TAFA1: variants seen among roughly 807,000 people sequenced by gnomAD.
TAFA1 encodes chemokine-like protein TAFA-1.
Under a neutral mutation model 18.5 loss-of-function variants are expected in TAFA1, and 4 were observed. The ratio of observed to expected loss-of-function variants is 0.22; its 90% CI spans 0.11 to 0.49. TAFA1 has a LOEUF of 0.49. Ranked by LOEUF, TAFA1 falls within the 20% of genes least tolerant of loss-of-function variation. TAFA1 has a pLI of 0.98. For missense variants in TAFA1, 147 were observed against 169.0 expected (o/e 0.87, Z 0.72); for synonymous variants, 56 against 55.2 (o/e 1.01, Z -0.06).
intron 2 of TAFA1, among the ~76,000 whole-genome samples, chr3:68,400,084 A>G (rs972212650): frequency 2.6e-5 from 4 of 152,106 alleles, no homozygotes; most frequent in African/African-American, 9.7e-5. Flanking sequence ...CTATCCTTAA[A>G]CCATTCACTG....
At position 68,331,765 on chromosome 3, in the gene TAFA1, A is replaced by G. The variant is rs1202756511; in HGVS notation, c.119-85515A>G. On this transcript the variant is annotated intron_variant, in intron 2 of 4. Transcript: ENST00000478136. ...CACAGACCAATGGAACAGAACAGAAAGGACAGAAGTAAACCCATTCATATA... is the reference window on the plus strand; with the variant it reads ...CACAGACCAATGGAACAGAACAGAAGGGACAGAAGTAAACCCATTCATATA... Among the ~76,000 whole-genome samples the G allele has an allele frequency of 2.6e-5, 4 of 152,156 alleles. No homozygotes were observed. In the South Asian group the frequency reaches 8.3e-4, roughly 32 times the overall value.
intron 2 of TAFA1, among the ~76,000 whole-genome samples, chr3:68,077,984 A>C (rs369286318): frequency 1.1e-4 from 16 of 151,924 alleles, no homozygotes; most frequent in Admixed American, 2.6e-4. Context: ...CTTTTATTTC[A>C]TTGAGCAGTG....
chr3:68,160,286 T>C (rs2065910092), intron 2 of TAFA1, among the ~76,000 whole-genome samples: 1 of 152,338 alleles, frequency 6.6e-6, no homozygotes, highest in Admixed American at 6.5e-5. Flanking sequence ...ATATTCTTTG[T>C]TCTGTTGCAG....
chr3:68,243,369 C>T (rs1045538966), intron 2 of TAFA1, among the ~76,000 whole-genome samples: 10 of 142,118 alleles, frequency 7.0e-5, no homozygotes, highest in African/African-American at 2.6e-4. Context: ...TCTATGCTCA[C>T]ATGGGTACCT....
intron 2 of TAFA1, among the ~76,000 whole-genome samples, chr3:68,331,856 CTTTTTTTTTTT>C (rs60291932): frequency 1.3e-5 from 1 of 76,198 alleles, no homozygotes; most frequent in African/African-American, 5.4e-5. Context: ...CTTTTCTTTT[CTTTTTTTTTTT>C]TTTTTTTTTT....
chr3:68,297,135 T>G (rs9310021), intron 2 of TAFA1, among the ~76,000 whole-genome samples: 3,739 of 152,188 alleles, frequency 0.025, 141 homozygotes, highest in African/African-American at 0.085. Flanking sequence ...AGCAGGTATA[T>G]AACACAAGAT....
intron 3 of TAFA1, among the ~76,000 whole-genome samples, chr3:68,464,611 G>C (rs138228410): frequency 6.6e-6 from 1 of 152,288 alleles, no homozygotes; most frequent in South Asian, 2.1e-4. Flanking sequence ...ATAGTGCAGG[G>C]TCTTGTAGAG....
intron 2 of TAFA1, among the ~76,000 whole-genome samples, chr3:68,077,961 T>G (rs1420956858): frequency 6.6e-6 from 1 of 152,162 alleles, no homozygotes; most frequent in Non-Finnish European, 1.5e-5. Flanking sequence ...CTTCTTCCAT[T>G]TGTTTGTATC....
chr3:68,476,951 A>G (rs2072109618), intron 3 of TAFA1, among the ~76,000 whole-genome samples: 1 of 152,184 alleles, frequency 6.6e-6, no homozygotes, highest in Admixed American at 6.5e-5. Context: ...ACACAAGGTA[A>G]ATACACCCAT....
intron 2 of TAFA1, among the ~76,000 whole-genome samples, chr3:68,115,639 C>T (rs558002968): frequency 5.9e-5 from 9 of 152,262 alleles, no homozygotes; most frequent in Admixed American, 1.3e-4. Flanking sequence ...GCTCCCTGAA[C>T]GGTCAGTCAT....
At chr3:68,072,922 G>A (rs544351453) in intron 2 of TAFA1, among the ~76,000 whole-genome samples, 132 of 152,208 alleles carry the variant, frequency 8.7e-4, no homozygotes, top group African/African-American at 3.0e-3. Flanking sequence ...AGTGTTATTC[G>A]GTTCTTGTAG....
At chr3:68,346,502 A>C (rs2069165981) in intron 2 of TAFA1, among the ~76,000 whole-genome samples, 1 of 152,128 alleles carries the variant, frequency 6.6e-6, no homozygotes, top group African/African-American at 2.4e-5. Context: ...GGGCCCCAAA[A>C]TCTTGACCAT....
intron 2 of TAFA1, among the ~76,000 whole-genome samples, chr3:68,213,505 AG>A (rs911365682): frequency 2.6e-5 from 4 of 152,108 alleles, no homozygotes; most frequent in African/African-American, 9.7e-5. Context: ...TATTACCAAA[AG>A]TGATACCTTC....
At chr3:68,117,900 C>G (rs569248077) in intron 2 of TAFA1, among the ~76,000 whole-genome samples, 1 of 152,280 alleles carries the variant, frequency 6.6e-6, no homozygotes, top group East Asian at 1.9e-4. Flanking sequence ...GTACAGTTCA[C>G]TAGTGTTAAT....
intron 2 of TAFA1, among the ~76,000 whole-genome samples, chr3:68,325,107 A>G (rs2068756133): frequency 6.6e-6 from 1 of 152,186 alleles, no homozygotes; most frequent in Admixed American, 6.5e-5. Context: ...CAATTTATTC[A>G]CAAAAATCAC....
chr3:68,242,621 T>C (rs1359942131), intron 2 of TAFA1, among the ~76,000 whole-genome samples: 5 of 152,190 alleles, frequency 3.3e-5, no homozygotes, highest in Non-Finnish European at 1.5e-5. Flanking sequence ...TGAGAGTTGA[T>C]TTGCCTAACA....
intron 2 of TAFA1, among the ~76,000 whole-genome samples, chr3:68,355,328 C>T (rs758976365): frequency 6.6e-6 from 1 of 152,034 alleles, no homozygotes; most frequent in Middle Eastern, 3.4e-3. Flanking sequence ...TGAATTCAGG[C>T]TACCCCATTT....
At chr3:67,995,056 C>A in the TAFA1 span, among the ~76,000 whole-genome samples, 6 of 151,790 alleles carry the variant, frequency 4.0e-5, no homozygotes, top group African/African-American at 1.2e-4. Flanking sequence ...GAAAAAAAAA[C>A]AAATTAATGA....
intron 2 of TAFA1, among the ~76,000 whole-genome samples, chr3:68,136,988 T>A (rs2065615868): frequency 6.6e-6 from 1 of 152,192 alleles, no homozygotes; most frequent in African/African-American, 2.4e-5. Context: ...GGGAAAAATC[T>A]CAGAATAATT....
Sources: allele counts gnomAD v4.1 joint callset (sites outside exome capture counted in the v4.1 genomes callset), GRCh38; gene constraint gnomAD v4.1.1; transcripts MANE v1.5; gene names NCBI Gene and HGNC (gene_info 2026-07-23, HGNC 2026-07-21).